The following USP13 variants were observed in gnomAD, a reference collection of about 807,000 sequenced individuals.
USP13 encodes the protein ubiquitin carboxyl-terminal hydrolase 13.
Under a neutral mutation model 107.8 loss-of-function variants are expected in USP13, and 68 were observed. The observed-to-expected ratio is 0.63, with a 90% CI of 0.52 to 0.77. The LOEUF is 0.77. Ranked by LOEUF, USP13 falls within the 30% of genes least tolerant of loss-of-function variation. USP13 has a pLI of 0.00. For missense variants in USP13, 945 were observed against 1,093.3 expected (o/e 0.86, Z 1.91); for synonymous variants, 377 against 389.5 (o/e 0.97, Z 0.38).
At chr3:179,758,499 T>TA (rs200248816) in intron 16 of USP13, among the ~76,000 whole-genome samples, 6 of 152,070 alleles carry the variant, frequency 3.9e-5, no homozygotes, top group African/African-American at 9.7e-5. Context: ...CTACCTTTCT[T>TA]AAATTTTTTT....
intron 19 of USP13, among the ~76,000 whole-genome samples, chr3:179,776,696 T>C (rs866379956): frequency 6.6e-6 from 1 of 152,194 alleles, no homozygotes; most frequent in Non-Finnish European, 1.5e-5. Context: ...AAGGTTTTTC[T>C]GTTGAAAGTT....
intron 5 of USP13, among the ~76,000 whole-genome samples, chr3:179,708,547 C>G (rs1180105210): frequency 6.6e-6 from 1 of 152,098 alleles, no homozygotes; most frequent in Non-Finnish European, 1.5e-5. Context: ...AACTCCTGAC[C>G]TCAGTTGATG....
chr3:179,752,434 A>T, intron 14 of USP13, 61 bp downstream of exon 14: 1 of 1,270,422 alleles, frequency 7.9e-7, no homozygotes, highest in Admixed American at 1.7e-5. Flanking sequence ...ACAACATGGC[A>T]TGTGAAAGAG....
At chr3:179,692,197 A>C (rs941224288) in intron 3 of USP13, among the ~76,000 whole-genome samples, 2 of 152,248 alleles carry the variant, frequency 1.3e-5, no homozygotes, top group Non-Finnish European at 2.9e-5. Flanking sequence ...TCCCGGTAAT[A>C]GAATGGAAGT....
intron 3 of USP13, among the ~76,000 whole-genome samples, chr3:179,700,774 T>C (rs1331127110): frequency 6.6e-6 from 1 of 152,338 alleles, no homozygotes; most frequent in East Asian, 1.9e-4. Flanking sequence ...CTTTATGAAA[T>C]GGCTCAGTCT....
intron 8 of USP13, among the ~76,000 whole-genome samples, chr3:179,726,180 C>T (rs945940567): frequency 6.6e-6 from 1 of 152,140 alleles, no homozygotes; most frequent in Non-Finnish European, 1.5e-5. Flanking sequence ...TGAGAAGGAG[C>T]TGCCAAGCAA....
intron 19 of USP13, among the ~76,000 whole-genome samples, chr3:179,775,806 T>G (rs1715512110): frequency 6.6e-6 from 1 of 152,228 alleles, no homozygotes; most frequent in Non-Finnish European, 1.5e-5. Context: ...AACTCAGTGC[T>G]GGCTCGCGAG....
intron 6 of USP13, among the ~76,000 whole-genome samples, chr3:179,710,360 C>T (rs576881156): frequency 9.9e-5 from 15 of 152,250 alleles, no homozygotes; most frequent in African/African-American, 3.4e-4. Flanking sequence ...GGAATTCTGT[C>T]GGATAAAGTT....
chr3:179,681,352 G>T (rs1192837015), intron 1 of USP13, among the ~76,000 whole-genome samples: 1 of 152,062 alleles, frequency 6.6e-6, no homozygotes, highest in Non-Finnish European at 1.5e-5. Flanking sequence ...GGCTAGTTTT[G>T]TTTCTATACT....
At chr3:179,720,877 C>T (rs1479850954) in intron 7 of USP13, among the ~76,000 whole-genome samples, 3 of 151,048 alleles carry the variant, frequency 2.0e-5, no homozygotes, top group Non-Finnish European at 4.4e-5. Context: ...GGCGCGATCT[C>T]AGCTCACTGA....
chr3:179,750,326 G>GTGTATATATATATATATATATA (rs1553797370), intron 13 of USP13, among the ~76,000 whole-genome samples: 6 of 75,852 alleles, frequency 7.9e-5, no homozygotes, highest in Admixed American at 1.5e-4. Context: ...ATATATGTGT[G>GTGTATATATATATATATATATA]TATATATATA....
At chr3:179,772,999 A>T (rs1248210882) in intron 19 of USP13, among the ~76,000 whole-genome samples, 1 of 152,188 alleles carries the variant, frequency 6.6e-6, no homozygotes, top group Non-Finnish European at 1.5e-5. Flanking sequence ...GCATGAGGGG[A>T]AATCAAGCTG....
At chr3:179,731,491 A>G (rs963804562) in intron 10 of USP13, among the ~76,000 whole-genome samples, 6 of 152,148 alleles carry the variant, frequency 3.9e-5, no homozygotes, top group Non-Finnish European at 7.4e-5. Flanking sequence ...AGGGCTTGGC[A>G]TTCCTCAGGT....
At chr3:179,770,836 G>A (rs1715322947) in intron 19 of USP13, among the ~76,000 whole-genome samples, 1 of 152,024 alleles carries the variant, frequency 6.6e-6, no homozygotes, top group African/African-American at 2.4e-5. Context: ...TCCATTTCCC[G>A]ACCTTGTGAT....
chr3:179,755,829 A>G (rs1714771100), intron 15 of USP13, among the ~76,000 whole-genome samples: 1 of 152,212 alleles, frequency 6.6e-6, no homozygotes, highest in South Asian at 2.1e-4. Flanking sequence ...TCCATCAGTT[A>G]AGCAGTGAAG....
intron 18 of USP13, 43 bp downstream of exon 18, chr3:179,764,211 G>C: frequency 6.4e-7 from 1 of 1,565,990 alleles, no homozygotes; most frequent in Non-Finnish European, 8.7e-7. Context: ...GTGTGTGTGT[G>C]TGTGAATTTA....
At chr3:179,760,366 C>G (rs1168617732) in intron 16 of USP13, among the ~76,000 whole-genome samples, 3 of 149,674 alleles carry the variant, frequency 2.0e-5, no homozygotes, top group Non-Finnish European at 4.4e-5. Context: ...TCACTGCAAG[C>G]TCCGCCTCCT....
chr3:179,690,815 C>T (rs1292206092), intron 3 of USP13, among the ~76,000 whole-genome samples: 1 of 152,152 alleles, frequency 6.6e-6, no homozygotes, highest in African/African-American at 2.4e-5. Context: ...CTCAAGCGAT[C>T]CAACTGCCTC....
intron 2 of USP13, among the ~76,000 whole-genome samples, chr3:179,684,565 C>T (rs1711797853): frequency 6.6e-6 from 1 of 151,912 alleles, no homozygotes; most frequent in Admixed American, 6.6e-5. Context: ...CTAAGCAATC[C>T]ACTGGCCTCA....
Sources: allele counts gnomAD v4.1 joint callset (sites outside exome capture counted in the v4.1 genomes callset), GRCh38; gene constraint gnomAD v4.1.1; transcripts MANE v1.5; gene names NCBI Gene and HGNC (gene_info 2026-07-23, HGNC 2026-07-21).